ERMARD: variants seen among roughly 807,000 people sequenced by gnomAD.
ERMARD encodes ER membrane associated RNA degradation, also known as endoplasmic reticulum membrane-associated RNA degradation protein.
ERMARD carries 71 observed loss-of-function variants against 83.9 expected under a neutral mutation model. The observed-to-expected ratio is 0.85, with a 90% CI of 0.70 to 1.03. The LOEUF (loss-of-function observed/expected upper bound fraction) is 1.03. Ranked by LOEUF, ERMARD falls within the 50% of genes least tolerant of loss-of-function variation. The pLI is 0.00. For missense variants in ERMARD, 838 were observed against 810.9 expected (o/e 1.03, Z -0.41); for synonymous variants, 284 against 298.6 (o/e 0.95, Z 0.50).
At chr6:169,756,004 A>T (rs1055597146) in intron 3 of ERMARD, among the ~76,000 whole-genome samples, 1 of 152,234 alleles carries the variant, frequency 6.6e-6, no homozygotes, top group Non-Finnish European at 1.5e-5. Flanking sequence ...AAATGGCAGG[A>T]TGAGTGCCTT....
Position 169,768,278 on chromosome 6 carries a change from CT to C in ERMARD, c.1059+109del, listed in dbSNP as rs1050429340. The C allele has an allele frequency of 3.1e-6, 3 of 977,432 alleles. No homozygotes were observed. In the African/African-American group the frequency reaches 4.9e-5, roughly 16 times the overall value. 60.5% of individuals were successfully genotyped at this position (977,432 alleles called of 1,614,324 possible). A position where few individuals can be genotyped will look rare whatever the true frequency, so the allele number is the denominator to read the frequency against. On this transcript the variant is annotated intron_variant, in intron 11 of 17. Coordinates refer to ENST00000366773, the MANE Select transcript of ERMARD (RefSeq NM_018341.3). ...GCTTGTGGTTTGCTCAAGAAAAATACTTCTGAAACATTGCTGTGCTGTCTCA... is the reference window on the plus strand; with the variant it reads ...GCTTGTGGTTTGCTCAAGAAAAATACTCTGAAACATTGCTGTGCTGTCTCA...
chr6:169,774,745 A>ACCTGGGCGTTGATGGCTGTGGTCCC (rs1421952947), intron 13 of ERMARD, among the ~76,000 whole-genome samples: 2 of 152,122 alleles, frequency 1.3e-5, no homozygotes, highest in Admixed American at 6.5e-5. Context: ...TTGTGGCCTG[A>ACCTGGGCGTTGATGGCTGTGGTCCC]CCTGGGCGTT....
Position 169,776,542 on chromosome 6 carries a change from C to A in ERMARD, c.1608C>A (p.Leu536=), listed in dbSNP as rs1183605586. The change falls in exon 16 of 18, where the codon CTC becomes CTA. Residue 536 remains leucine, a synonymous_variant. Coordinates refer to ENST00000366773, the MANE Select transcript of ERMARD (RefSeq NM_018341.3). The part of the protein sequence containing the change: ...PRIVLEVLVV[L]RSISEQCRRV... ...TTGTGCTGGAAGTGCTGGTTGTGCTCCGAAGCATCAGCGAACAGTGCCGCC... is the reference window on the plus strand; with the variant it reads ...TTGTGCTGGAAGTGCTGGTTGTGCTACGAAGCATCAGCGAACAGTGCCGCC... 9.3e-6 allele frequency: 15 copies of A among 1,614,062 alleles called. No individual in the cohort carries two copies. Among genetic ancestry groups the A allele is most frequent in the Non-Finnish European group, 1.3e-5 (15 of 1,180,050 alleles).
At position 169,762,459 on chromosome 6, in the gene ERMARD, A is replaced by G; in HGVS notation, c.888A>G (p.Thr296=). 6.2e-7 allele frequency: 1 copy of G among 1,614,182 alleles called. No individual in the cohort carries two copies. The highest frequency in any genetic ancestry group is 1.6e-4 in the Middle Eastern group (1 of 6,062). ...RFADCAILLL[T]QLETGLRNVF... is the part of the protein sequence containing the mutation. Reference sequence around the variant, plus strand: ...CTGACTGCGCCATATTGTTGCTGACACAACTGGAGACTGGACTTAGGAATG... The same window carrying G: ...CTGACTGCGCCATATTGTTGCTGACGCAACTGGAGACTGGACTTAGGAATG... The change falls in exon 9 of 18, where the codon ACA becomes ACG. Residue 296 remains threonine, a synonymous_variant. Coordinates refer to ENST00000366773, the MANE Select transcript of ERMARD (RefSeq NM_018341.3).
chr6:169,762,000 C>T (rs544913442), intron 8 of ERMARD, among the ~76,000 whole-genome samples: 6 of 151,594 alleles, frequency 4.0e-5, no homozygotes, highest in East Asian at 2.0e-4. Context: ...TTTTGCTTCT[C>T]GTATTAGCAA....
intron 8 of ERMARD, among the ~76,000 whole-genome samples, chr6:169,761,400 A>G (rs1791534691): frequency 1.3e-5 from 2 of 152,088 alleles, no homozygotes; most frequent in African/African-American, 2.4e-5. Flanking sequence ...TACTTTTTCT[A>G]GAGATGAGGT....
chr6:169,781,540 T>C lies in ERMARD; in HGVS notation c.*27T>C. 1.3e-6 allele frequency: 2 copies of C among 1,542,204 alleles called. No homozygotes were observed. Among genetic ancestry groups the C allele is most frequent in the Non-Finnish European group, 1.7e-6 (2 of 1,143,658 alleles). On this transcript the variant is annotated 3_prime_UTR_variant, in exon 18 of 18. Transcript: ENST00000366773. The stretch of plus-strand genomic sequence containing the variant: ...AACTTGTAAGTCAGGATGCTTTTAA[T>C]TTTAACAGATTTTAACAGCGTGTAA...
chr6:169,773,544 C>T, intron 13 of ERMARD, 142 bp downstream of exon 13: 1 of 725,382 alleles, frequency 1.4e-6, no homozygotes, highest in Non-Finnish European at 2.3e-6. Context: ...AGTGCGGGGC[C>T]TGCTGTGGCG....
intron 10 of ERMARD, 117 bp downstream of exon 10, chr6:169,766,784 G>A: frequency 8.6e-7 from 1 of 1,163,100 alleles, no homozygotes; most frequent in Non-Finnish European, 1.2e-6. Context: ...ACAGGAAAAT[G>A]TCCATAGTAA....
chr6:169,776,414 G>T, intron 15 of ERMARD, 41 bp from the exon 16 acceptor site: 1 of 1,596,140 alleles, frequency 6.3e-7, no homozygotes. Flanking sequence ...AGGCCCAGGT[G>T]AGGATCATGA....
chr6:169,770,226 A>G (rs1211478247), intron 12 of ERMARD, among the ~76,000 whole-genome samples: 2 of 152,266 alleles, frequency 1.3e-5, no homozygotes, highest in Non-Finnish European at 2.9e-5. Context: ...TAATGTGAAA[A>G]GTAAGAGCCC....
chr6:169,769,844 A>G, intron 12 of ERMARD, 131 bp downstream of exon 12: 1 of 764,332 alleles, frequency 1.3e-6, no homozygotes, highest in South Asian at 2.5e-5. Context: ...TCCATCAGAA[A>G]AAAAAGTGAA....
At chr6:169,776,252 G>A (rs1433598843) in intron 15 of ERMARD, 187 bp downstream of exon 15, 7 of 1,538,594 alleles carry the variant, frequency 4.5e-6, no homozygotes, top group Non-Finnish European at 6.2e-6. Context: ...CACATCTGAT[G>A]AGGCTGTGAA....
chr6:169,762,766 C>T lies in ERMARD; in HGVS notation c.960+235C>T, dbSNP rs884793. On this transcript the variant is annotated intron_variant, in intron 9 of 17. Coordinates refer to ENST00000366773, the MANE Select transcript of ERMARD (RefSeq NM_018341.3). The stretch of plus-strand genomic sequence containing the variant: ...CTTTAAAACTCAATGATACCGTGAA[C>T]GTAGTAGGCACTGGTTCTCTCTCTA... 0.023 allele frequency among the ~76,000 whole-genome samples: 3,521 copies of T among 152,244 alleles called. 101 individuals carry two copies. Among genetic ancestry groups the T allele is most frequent in the South Asian group, 0.15 (739 of 4,816 alleles).
chr6:169,778,607 C>T (rs1793856082), intron 16 of ERMARD, among the ~76,000 whole-genome samples: 1 of 152,200 alleles, frequency 6.6e-6, no homozygotes, highest in Non-Finnish European at 1.5e-5. Context: ...CTGGATTCCC[C>T]TCCAGAAAGG....
rs189311490 is a variant in ERMARD, at chr6:169,775,848, G to A, written c.1395-92G>A. 5.6e-5 allele frequency: 80 copies of A among 1,438,134 alleles called. No homozygotes were observed. In the Admixed American group the frequency reaches 6.2e-4, roughly 11 times the overall value. 89.1% of individuals were successfully genotyped at this position (1,438,134 alleles called of 1,614,324 possible). On this transcript the variant is annotated intron_variant, in intron 14 of 17. Transcript: ENST00000366773. ...GGAAAGTGAGATTCACAGTCAGGTCGCTGCTCAGTGAACCATTGAACATTC... is the reference window on the plus strand; with the variant it reads ...GGAAAGTGAGATTCACAGTCAGGTCACTGCTCAGTGAACCATTGAACATTC...
At chr6:169,758,056 G>T (rs755266349) in intron 5 of ERMARD, among the ~76,000 whole-genome samples, 2 of 152,200 alleles carry the variant, frequency 1.3e-5, no homozygotes, top group Non-Finnish European at 2.9e-5. Context: ...TCCTGAAGTT[G>T]CATAGAAGAA....
intron 16 of ERMARD, among the ~76,000 whole-genome samples, chr6:169,778,835 A>C (rs905324419): frequency 2.6e-5 from 4 of 152,242 alleles, no homozygotes; most frequent in African/African-American, 9.6e-5. Context: ...CCTAGATGTC[A>C]GAGGGCAGCG....
At chr6:169,758,011 AG>A (rs1322827555) in intron 5 of ERMARD, among the ~76,000 whole-genome samples, 2 of 152,226 alleles carry the variant, frequency 1.3e-5, no homozygotes, top group Non-Finnish European at 2.9e-5. Context: ...GTGAACCATG[AG>A]TATTTCACAA....
Sources: gnomAD v4.1 joint callset for allele counts (sites outside exome capture counted in the v4.1 genomes callset) on GRCh38, gnomAD v4.1.1 for gene constraint, MANE v1.5 for transcripts, NCBI Gene and HGNC (gene_info 2026-07-23, HGNC 2026-07-21) for gene names.